The following AVEN variants were observed in gnomAD, a reference collection of about 807,000 sequenced individuals.
AVEN encodes the protein apoptosis and caspase activation inhibitor.
A neutral mutation model predicts 38.1 loss-of-function variants in AVEN; 41 were observed. That is an observed-to-expected ratio of 1.08 (90% CI 0.84 to 1.40). AVEN has a LOEUF of 1.40. Among genes scored for constraint, AVEN ranks in the 40% most tolerant of loss-of-function variants. The pLI, the probability that AVEN is intolerant of heterozygous loss-of-function variation, is 0.00. For synonymous variants in AVEN, 206 were observed against 171.8 expected (o/e 1.20, Z -1.56); for missense variants, 605 against 438.8 (o/e 1.38, Z -3.38).
chr15:33,972,178 T>C (rs997910494), intron 2 of AVEN: 1 of 152,076 alleles, frequency 6.6e-6, no homozygotes, highest in Non-Finnish European at 1.5e-5. Context: ...ATCATGTTGG[T>C]TAAATTCACA....
intron 2 of AVEN, among the ~76,000 whole-genome samples, chr15:33,969,535 G>A (rs1201591026): frequency 1.3e-5 from 2 of 151,420 alleles, no homozygotes; most frequent in Non-Finnish European, 2.9e-5. Context: ...ATAAAACAAA[G>A]AAAAATTAAT....
intron 2 of AVEN, among the ~76,000 whole-genome samples, chr15:33,920,207 A>G (rs889169178): frequency 2.6e-5 from 4 of 152,238 alleles, no homozygotes; most frequent in African/African-American, 9.6e-5. Context: ...CACATCACAT[A>G]AAATGTGCCA....
intron 2 of AVEN, among the ~76,000 whole-genome samples, chr15:33,946,489 G>T (rs1247590382): frequency 6.6e-6 from 1 of 152,160 alleles, no homozygotes; most frequent in Non-Finnish European, 1.5e-5. Context: ...AGTTCTAGAT[G>T]CCCAGAAATC....
chr15:33,875,709 T>C (rs1891194978), intron 3 of AVEN, among the ~76,000 whole-genome samples: 1 of 152,206 alleles, frequency 6.6e-6, no homozygotes, highest in Non-Finnish European at 1.5e-5. Context: ...GTGGGCTGCA[T>C]AATTCACACA....
At chr15:34,055,416 A>G (rs1199339197) in intron 5 of AVEN, among the ~76,000 whole-genome samples, 2 of 151,898 alleles carry the variant, frequency 1.3e-5, no homozygotes, top group Admixed American at 1.3e-4. Context: ...GAGGCAGGAG[A>G]ATCTCCTGGA....
intron 2 of AVEN, among the ~76,000 whole-genome samples, chr15:33,940,911 A>G (rs1894295080): frequency 6.6e-6 from 1 of 152,176 alleles, no homozygotes; most frequent in South Asian, 2.1e-4. Flanking sequence ...ACCTCCTGTA[A>G]CTTCCAACAA....
chr15:33,865,482 T>C (rs1417125505), downstream of AVEN: 3 of 419,720 alleles, frequency 7.1e-6, no homozygotes, highest in Non-Finnish European at 4.3e-6. Context: ...GCAAATGCCT[T>C]CAAGTTTTCC....
At chr15:33,987,538 T>A (rs1189203244) in intron 2 of AVEN, among the ~76,000 whole-genome samples, 1 of 152,148 alleles carries the variant, frequency 6.6e-6, no homozygotes, top group Non-Finnish European at 1.5e-5. Flanking sequence ...TGGGACCATC[T>A]CTTTGCCCAT....
chr15:33,916,462 G>A lies in AVEN; in HGVS notation c.446-40467C>T, dbSNP rs138591813. Among the ~76,000 whole-genome samples the A allele has an allele frequency of 4.7e-3, 709 of 152,010 alleles. 6 individuals carry two copies. Among genetic ancestry groups the A allele is most frequent in the African/African-American group, 0.016 (681 of 41,442 alleles). ...GCATCTGACAAAAGGACTAATAACC[G>A]GAATTTACAAGAAACTTAAATCAGC... On this transcript the variant is annotated intron_variant, in intron 2 of 5. Coordinates refer to ENST00000306730, the MANE Select transcript of AVEN (RefSeq NM_020371.3).
intron 2 of AVEN, among the ~76,000 whole-genome samples, chr15:33,968,125 A>AAAAAAT (rs1895466636): frequency 7.3e-6 from 1 of 136,804 alleles, no homozygotes; most frequent in Non-Finnish European, 1.5e-5. Context: ...AAAAAAAAAA[A>AAAAAAT]GCTTCTAGCC....
chr15:34,006,622 C>T (rs1307656475), intron 1 of AVEN, among the ~76,000 whole-genome samples: 1 of 152,090 alleles, frequency 6.6e-6, no homozygotes, highest in African/African-American at 2.4e-5. Flanking sequence ...AGACCTAAAC[C>T]GAATTAATGG....
At chr15:33,886,066 T>C (rs1597191753) in intron 2 of AVEN, among the ~76,000 whole-genome samples, 1 of 152,330 alleles carries the variant, frequency 6.6e-6, no homozygotes, top group African/African-American at 2.4e-5. Context: ...TAGTATAGTG[T>C]GTCAGGATAA....
At chr15:34,013,922 G>A (rs1040709177) in intron 1 of AVEN, among the ~76,000 whole-genome samples, 3 of 152,144 alleles carry the variant, frequency 2.0e-5, no homozygotes, top group African/African-American at 7.2e-5. Flanking sequence ...GCTATCTTCC[G>A]CCTGCTGACT....
At position 33,933,289 on chromosome 15, in the gene AVEN, A is replaced by G. The variant is rs189568129; in HGVS notation, c.446-57294T>C. The stretch of plus-strand genomic sequence containing the variant: ...TCTCTGTTCTACACAAAGCTGGAGT[A>G]TAATGGTCTTTCCAAAGCAGTAACA... On this transcript the variant is annotated intron_variant, in intron 2 of 5. Transcript: ENST00000306730. 1.1e-4 allele frequency among the ~76,000 whole-genome samples: 16 copies of G among 152,304 alleles called. No individual in the cohort carries two copies. In the East Asian group the frequency reaches 2.1e-3, roughly 20 times the overall value.
At chr15:34,020,706 G>T (rs1457978350) in intron 1 of AVEN, among the ~76,000 whole-genome samples, 1 of 152,166 alleles carries the variant, frequency 6.6e-6, no homozygotes, top group Non-Finnish European at 1.5e-5. Context: ...CCCCTTGACT[G>T]AATTACGACC....
intron 2 of AVEN, among the ~76,000 whole-genome samples, chr15:33,939,533 T>C (rs1165874950): frequency 6.6e-6 from 1 of 152,112 alleles, no homozygotes. Flanking sequence ...CAATAGAGGG[T>C]TGCAAAGTGC....
intron 2 of AVEN, among the ~76,000 whole-genome samples, chr15:33,917,377 TACAC>T (rs1248476234): frequency 1.4e-4 from 2 of 14,302 alleles, no homozygotes; most frequent in East Asian, 5.1e-3. Flanking sequence ...TGTGTGTGTA[TACAC>T]ACACACACAC....
At chr15:33,862,647 GTCACCCA>G (rs1888754982), downstream of AVEN, among the ~76,000 whole-genome samples, 1 of 152,136 alleles carries the variant, frequency 6.6e-6, no homozygotes, top group Non-Finnish European at 1.5e-5. Flanking sequence ...GACAGTCTCT[GTCACCCA>G]GGCTGAAGTG....
intron 2 of AVEN, among the ~76,000 whole-genome samples, chr15:33,884,492 A>G (rs1430416013): frequency 6.6e-6 from 1 of 152,190 alleles, no homozygotes; most frequent in African/African-American, 2.4e-5. Flanking sequence ...CACTGTGTTT[A>G]TAATATCCAG....
Sources: gnomAD v4.1 joint callset for allele counts (sites outside exome capture counted in the v4.1 genomes callset) on GRCh38, gnomAD v4.1.1 for gene constraint, MANE v1.5 for transcripts, NCBI Gene and HGNC (gene_info 2026-07-23, HGNC 2026-07-21) for gene names.